CPNE8: variants seen among roughly 807,000 people sequenced by gnomAD.
CPNE8 encodes copine-8.
In CPNE8, 45 loss-of-function variants were observed where a neutral mutation model predicts 81.5. That is an observed-to-expected ratio of 0.55 (90% CI 0.44 to 0.71). The LOEUF (loss-of-function observed/expected upper bound fraction) is 0.71, where lower values mean the gene tolerates loss of function less well. Among genes scored for constraint, CPNE8 ranks in the 30% least tolerant of loss-of-function variants. The pLI is 0.00. For synonymous variants in CPNE8, 252 were observed against 226.3 expected (o/e 1.11, Z -1.02); for missense variants, 594 against 672.1 (o/e 0.88, Z 1.28).
chr12:38,874,148 T>C (rs12818012), intron 2 of CPNE8, among the ~76,000 whole-genome samples: 2 of 152,142 alleles, frequency 1.3e-5, no homozygotes, highest in Non-Finnish European at 2.9e-5. Flanking sequence ...TATTACTCTG[T>C]GACTAAATAA....
At chr12:38,788,414 C>T (rs748168667) in intron 6 of CPNE8, among the ~76,000 whole-genome samples, 7 of 151,742 alleles carry the variant, frequency 4.6e-5, no homozygotes, top group Non-Finnish European at 1.0e-4. Flanking sequence ...AACATCTCTT[C>T]ATCAAAAAAA....
chr12:38,672,888 G>A (rs1294348160), intron 18 of CPNE8, among the ~76,000 whole-genome samples: 1 of 152,158 alleles, frequency 6.6e-6, no homozygotes, highest in Non-Finnish European at 1.5e-5. Context: ...TGGAAACAAT[G>A]TCTTTCAGGT....
intron 6 of CPNE8, among the ~76,000 whole-genome samples, chr12:38,819,084 G>A (rs1269587728): frequency 2.6e-5 from 4 of 152,142 alleles, no homozygotes; most frequent in Non-Finnish European, 5.9e-5. Context: ...TCTGTGGGTT[G>A]CCTGTACACC....
chr12:38,718,362 T>C (rs1428300661), intron 13 of CPNE8, among the ~76,000 whole-genome samples: 2 of 152,154 alleles, frequency 1.3e-5, no homozygotes, highest in Non-Finnish European at 2.9e-5. Context: ...CAATCCTTTA[T>C]GGTGGAAGTG....
chr12:38,661,525 G>A (rs1565558198), intron 19 of CPNE8, among the ~76,000 whole-genome samples: 1 of 152,072 alleles, frequency 6.6e-6, no homozygotes, highest in Non-Finnish European at 1.5e-5. Flanking sequence ...GTTGATGGGT[G>A]CAGCAAACCA....
At chr12:38,786,187 A>C (rs1384844260) in intron 6 of CPNE8, among the ~76,000 whole-genome samples, 1 of 152,208 alleles carries the variant, frequency 6.6e-6, no homozygotes, top group Non-Finnish European at 1.5e-5. Context: ...TATAAAGACA[A>C]GCACACACTG....
At chr12:38,692,255 C>G (rs973143104) in intron 15 of CPNE8, among the ~76,000 whole-genome samples, 2 of 151,964 alleles carry the variant, frequency 1.3e-5, no homozygotes, top group Non-Finnish European at 2.9e-5. Flanking sequence ...CACTACTGCA[C>G]TCCAGCCTGG....
chr12:38,736,170 C>A (rs1481500291), intron 10 of CPNE8, among the ~76,000 whole-genome samples: 1 of 150,100 alleles, frequency 6.7e-6, no homozygotes, highest in Non-Finnish European at 1.5e-5. Flanking sequence ...ATATAATTAT[C>A]TTTTTATACA....
chr12:38,830,135 T>G (rs1943260935), intron 5 of CPNE8, among the ~76,000 whole-genome samples: 1 of 152,174 alleles, frequency 6.6e-6, no homozygotes, highest in East Asian at 1.9e-4. Context: ...TGATTCTTAT[T>G]TTCAAGACTC....
At chr12:38,791,474 G>T (rs1942322314) in intron 6 of CPNE8, among the ~76,000 whole-genome samples, 1 of 151,138 alleles carries the variant, frequency 6.6e-6, no homozygotes, top group African/African-American at 2.4e-5. Flanking sequence ...TTGAAAAAAA[G>T]GAATAAAAAT....
At chr12:38,670,281 A>G (rs1939144937) in intron 19 of CPNE8, among the ~76,000 whole-genome samples, 1 of 152,122 alleles carries the variant, frequency 6.6e-6, no homozygotes, top group African/African-American at 2.4e-5. Flanking sequence ...TTTTTTTCTG[A>G]CATCCTAAAA....
intron 6 of CPNE8, among the ~76,000 whole-genome samples, chr12:38,809,447 A>G (rs1203823590): frequency 1.3e-5 from 2 of 152,174 alleles, no homozygotes; most frequent in African/African-American, 4.8e-5. Context: ...TACATAGACT[A>G]AGATAATCTT....
intron 3 of CPNE8, among the ~76,000 whole-genome samples, chr12:38,857,346 C>G (rs2137073572): frequency 6.6e-6 from 1 of 152,192 alleles, no homozygotes; most frequent in Middle Eastern, 3.4e-3. Context: ...ATAGATCTGT[C>G]CTTGTTTATT....
At chr12:38,779,255 T>C (rs1941996319) in intron 6 of CPNE8, among the ~76,000 whole-genome samples, 1 of 152,134 alleles carries the variant, frequency 6.6e-6, no homozygotes, top group Admixed American at 6.5e-5. Context: ...GTCAGAAAGA[T>C]AAGCAGAACT....
chr12:38,717,429 G>GTGTGTATATATATATATA (rs770984926), intron 13 of CPNE8, among the ~76,000 whole-genome samples: 1 of 87,034 alleles, frequency 1.1e-5, no homozygotes, highest in African/African-American at 4.6e-5. Flanking sequence ...AAAGTGTGGT[G>GTGTGTATATATATATATA]TATATATATA....
intron 6 of CPNE8, among the ~76,000 whole-genome samples, chr12:38,786,019 A>G (rs1942177257): frequency 6.6e-6 from 1 of 152,122 alleles, no homozygotes; most frequent in Non-Finnish European, 1.5e-5. Flanking sequence ...CAAAACAACT[A>G]GAAAAAAAAT....
intron 6 of CPNE8, among the ~76,000 whole-genome samples, chr12:38,808,650 G>A (rs1296941230): frequency 6.6e-6 from 1 of 150,746 alleles, no homozygotes; most frequent in Non-Finnish European, 1.5e-5. Context: ...TATATCTAAT[G>A]CTAAATGACA....
intron 10 of CPNE8, among the ~76,000 whole-genome samples, chr12:38,739,841 C>G (rs944838875): frequency 4.6e-5 from 7 of 152,060 alleles, no homozygotes; most frequent in African/African-American, 1.4e-4. Flanking sequence ...ATTCCAATGG[C>G]TTGATTCATT....
At chr12:38,772,444 T>A (rs1941823616) in intron 7 of CPNE8, among the ~76,000 whole-genome samples, 1 of 152,008 alleles carries the variant, frequency 6.6e-6, no homozygotes, top group South Asian at 2.1e-4. Context: ...ATCAACCCAA[T>A]TTAAAAATGG....
Sources: gnomAD v4.1 joint callset for allele counts (sites outside exome capture counted in the v4.1 genomes callset) on GRCh38, gnomAD v4.1.1 for gene constraint, MANE v1.5 for transcripts, NCBI Gene and HGNC (gene_info 2026-07-23, HGNC 2026-07-21) for gene names.